SLC35F2: variants seen among roughly 807,000 people sequenced by gnomAD.
SLC35F2 encodes the protein queuine/queuosine transporter SLC35F2.
Under a neutral mutation model 38.1 loss-of-function variants are expected in SLC35F2, and 25 were observed. The observed-to-expected ratio is 0.66, with a 90% CI of 0.48 to 0.92. The LOEUF is 0.92. Ranked by LOEUF, SLC35F2 falls within the 40% of genes least tolerant of loss-of-function variation. SLC35F2 has a pLI of 0.00. For synonymous variants in SLC35F2, 173 were observed against 181.7 expected, an observed-to-expected ratio of 0.95 and a Z score of 0.38; for missense variants, 409 against 452.9, an observed-to-expected ratio of 0.90 and a Z score of 0.88.
chr11:107,810,817 A>G, intron 3 of SLC35F2: 2 of 979,552 alleles, frequency 2.0e-6, no homozygotes, highest in Non-Finnish European at 2.4e-6. Context: ...TCTATGCGAA[A>G]TAAGTCTAAT....
chr11:107,827,859 C>G (rs572768417), intron 1 of SLC35F2, among the ~76,000 whole-genome samples: 1 of 151,922 alleles, frequency 6.6e-6, no homozygotes, highest in Non-Finnish European at 1.5e-5. Context: ...TGCAGTGAGC[C>G]GAGATTGCAT....
intron 1 of SLC35F2, among the ~76,000 whole-genome samples, chr11:107,855,332 GAA>G (rs920042757): frequency 1.3e-5 from 2 of 152,100 alleles, no homozygotes; most frequent in African/African-American, 4.8e-5. Context: ...ATATAAAAAA[GAA>G]AAAGACACCA....
chr11:107,841,558 C>CAAAAAAA (rs59699944), intron 1 of SLC35F2, among the ~76,000 whole-genome samples: 1 of 95,518 alleles, frequency 1.0e-5, no homozygotes, highest in African/African-American at 4.0e-5. Flanking sequence ...GACTCCAACT[C>CAAAAAAA]AAAAAAAAAA....
intron 3 of SLC35F2, among the ~76,000 whole-genome samples, chr11:107,809,413 G>T (rs1859446795): frequency 7.5e-6 from 1 of 133,122 alleles, no homozygotes; most frequent in Non-Finnish European, 1.5e-5. Context: ...AGTGAACCAA[G>T]ATTATCCCAC....
chr11:107,848,495 G>A (rs1028476189), intron 1 of SLC35F2, among the ~76,000 whole-genome samples: 2 of 152,152 alleles, frequency 1.3e-5, no homozygotes, highest in African/African-American at 4.8e-5. Flanking sequence ...CATGAAGGTG[G>A]AGTCTACATA....
At chr11:107,811,273 T>C (rs1859474848) in intron 3 of SLC35F2, 1 of 984,734 alleles carries the variant, frequency 1.0e-6, no homozygotes, top group South Asian at 4.7e-5. Flanking sequence ...TTTCTTCCAA[T>C]GGTTTCTTTG....
Position 107,823,079 on chromosome 11 carries a change from T to G in SLC35F2, c.111-7114A>C, listed in dbSNP as rs1859700680. 4 of 890,950 alleles carry G rather than the reference T, an allele frequency of 4.5e-6. No individual in the cohort carries two copies. The Admixed American group carries it at 2.5e-4, about 55-fold the overall frequency. 55.2% of individuals were successfully genotyped at this position (890,950 alleles called of 1,614,324 possible). ...ATTTCAAATTAGATAGGCAGTCCTC[T>G]ACTGATTATATATTTAAAAATCACT... On this transcript the variant is annotated intron_variant, in intron 1 of 7. Coordinates refer to ENST00000525815, the MANE Select transcript of SLC35F2 (RefSeq NM_017515.5).
At chr11:107,796,914 C>G (rs1358994336) in intron 7 of SLC35F2, among the ~76,000 whole-genome samples, 1 of 152,156 alleles carries the variant, frequency 6.6e-6, no homozygotes, top group Middle Eastern at 3.2e-3. Context: ...CTCAAGCAAT[C>G]TGTGTGTCTT....
chr11:107,826,945 T>C (rs1329163570), intron 1 of SLC35F2, among the ~76,000 whole-genome samples: 1 of 152,170 alleles, frequency 6.6e-6, no homozygotes, highest in Non-Finnish European at 1.5e-5. Flanking sequence ...ATTATATTGA[T>C]GGAAGCCCCT....
chr11:107,829,677 C>CAAAAAAAAAAAAA (rs59625402), intron 1 of SLC35F2, among the ~76,000 whole-genome samples: 1 of 87,302 alleles, frequency 1.1e-5, no homozygotes, highest in Non-Finnish European at 2.6e-5. Context: ...TGAAATCTCA[C>CAAAAAAAAAAAAA]AAAAAAAAAA....
chr11:107,849,890 A>C (rs1860150969), intron 1 of SLC35F2, among the ~76,000 whole-genome samples: 2 of 152,186 alleles, frequency 1.3e-5, no homozygotes, highest in Admixed American at 1.3e-4. Context: ...AAAGCTTTTC[A>C]ATTCCAGTCT....
At chr11:107,800,875 A>G (rs12803756) in intron 7 of SLC35F2, among the ~76,000 whole-genome samples, 22,291 of 150,540 alleles carry the variant, frequency 0.15, 2,697 homozygotes, top group East Asian at 0.42. Context: ...ACTCTGGGGA[A>G]GAATCTATAC....
chr11:107,806,689 G>A (rs754617454), intron 4 of SLC35F2, 28 bp downstream of exon 4: 2 of 1,610,826 alleles, frequency 1.2e-6, no homozygotes, highest in Non-Finnish European at 8.5e-7. Flanking sequence ...TGCTGTGATT[G>A]AAGCACAAAC....
At chr11:107,832,567 C>A (rs1011224540) in intron 1 of SLC35F2, among the ~76,000 whole-genome samples, 6 of 151,972 alleles carry the variant, frequency 3.9e-5, no homozygotes, top group Non-Finnish European at 7.4e-5. Flanking sequence ...CTTTGAGAGG[C>A]CAAGGTGGGC....
chr11:107,848,717 G>A (rs1218428702), intron 1 of SLC35F2, among the ~76,000 whole-genome samples: 1 of 152,096 alleles, frequency 6.6e-6, no homozygotes, highest in Non-Finnish European at 1.5e-5. Context: ...TTATTAATCT[G>A]GCATAAAAGC....
At chr11:107,793,618 T>A (rs1052342170) in intron 7 of SLC35F2, among the ~76,000 whole-genome samples, 2 of 152,228 alleles carry the variant, frequency 1.3e-5, no homozygotes, top group Non-Finnish European at 2.9e-5. Flanking sequence ...TTATCTTGTC[T>A]CTGTGGGCAA....
intron 2 of SLC35F2, among the ~76,000 whole-genome samples, chr11:107,812,809 GA>G (rs1436084610): frequency 6.6e-6 from 1 of 152,076 alleles, no homozygotes; most frequent in Non-Finnish European, 1.5e-5. Context: ...TGTTTTCCTA[GA>G]AATTAATTGG....
At chr11:107,813,335 C>A (rs1376709765) in intron 2 of SLC35F2, among the ~76,000 whole-genome samples, 1 of 151,994 alleles carries the variant, frequency 6.6e-6, no homozygotes, top group Non-Finnish European at 1.5e-5. Flanking sequence ...ATTCCAGCTA[C>A]TAGGGAGGCT....
chr11:107,851,304 A>T (rs1860181210), intron 1 of SLC35F2, among the ~76,000 whole-genome samples: 1 of 150,678 alleles, frequency 6.6e-6, no homozygotes, highest in Non-Finnish European at 1.5e-5. Context: ...CTTTACTAAA[A>T]ATACAAAAAT....
Sources: gnomAD v4.1 joint callset for allele counts (sites outside exome capture counted in the v4.1 genomes callset) on GRCh38, gnomAD v4.1.1 for gene constraint, MANE v1.5 for transcripts, NCBI Gene and HGNC (gene_info 2026-07-23, HGNC 2026-07-21) for gene names.